Variants in MTAP observed in about 807,000 individuals in gnomAD.
MTAP encodes S-methyl-5'-thioadenosine phosphorylase.
Under a neutral mutation model 33.6 loss-of-function variants are expected in MTAP, and 33 were observed. That is an observed-to-expected ratio of 0.98 (90% CI 0.74 to 1.31). MTAP has a LOEUF of 1.31. Among genes scored for constraint, MTAP ranks in the 40% most tolerant of loss-of-function variants. MTAP has a pLI of 0.00. For missense variants in MTAP, 367 were observed against 360.0 expected, an observed-to-expected ratio of 1.02 and a Z score of -0.16; for synonymous variants, 148 against 125.7, an observed-to-expected ratio of 1.18 and a Z score of -1.19.
intron 4 of MTAP, among the ~76,000 whole-genome samples, chr9:21,831,495 ATT>A (rs5896954): frequency 6.0e-5 from 9 of 149,024 alleles, no homozygotes; most frequent in African/African-American, 1.7e-4. Flanking sequence ...GTGCTTGGTA[ATT>A]TTTTTTTTTT....
downstream of MTAP, among the ~76,000 whole-genome samples, chr9:21,867,413 C>A (rs536621971): frequency 1.3e-4 from 20 of 152,164 alleles, no homozygotes; most frequent in East Asian, 3.3e-3. Flanking sequence ...AGTACTTTTT[C>A]CTGCATCTGT....
intron 6 of MTAP, chr9:21,856,107 A>G: frequency 7.2e-6 from 7 of 969,140 alleles, no homozygotes; most frequent in Non-Finnish European, 8.6e-6. Flanking sequence ...TGTTACTTGA[A>G]TAAACTAGAT....
rs1342222666 is a variant in MTAP at position 21,866,764 on chromosome 9, A to G, written c.*4750A>G. On this transcript the variant is annotated 3_prime_UTR_variant, in exon 8 of 8. Transcript: ENST00000644715. ...GCTTCTCCATTTTTCTTTAAGAAAA[A>G]ATCTGCTGGAATGGCACTGAATTTT... is the stretch of plus-strand genomic sequence containing the variant. 6.6e-6 allele frequency: 1 copy of G among 152,152 alleles called. No individual in the cohort carries two copies. The highest frequency in any genetic ancestry group is 1.5e-5 in the Non-Finnish European group (1 of 68,010). 9.4% of individuals were successfully genotyped at this position (152,152 alleles called of 1,614,324 possible).
At chr9:21,845,334 G>A (rs1825352928) in intron 5 of MTAP, among the ~76,000 whole-genome samples, 1 of 152,062 alleles carries the variant, frequency 6.6e-6, no homozygotes, top group Non-Finnish European at 1.5e-5. Context: ...AAAGTTTCAA[G>A]ATGCAAAATC....
At chr9:21,844,326 C>G (rs1211890435) in intron 5 of MTAP, among the ~76,000 whole-genome samples, 1 of 152,166 alleles carries the variant, frequency 6.6e-6, no homozygotes, top group Non-Finnish European at 1.5e-5. Flanking sequence ...ACCAATCTTA[C>G]TGAAACTATT....
rs35709813 is a variant in MTAP at position 21,818,317 on chromosome 9, CTTTTTTTTTTTTTTT to C, written c.347+128_347+142del. ...GAGGGCAGTGCCACAGACTCGCTTG[CTTTTTTTTTTTTTTT>C]TTTTTTTTTTTTGGAGACGGAGCCT... On this transcript the variant is annotated intron_variant, in intron 4 of 7. Transcript: ENST00000644715. 83 of 240,916 alleles carry C rather than the reference CTTTTTTTTTTTTTTT, an allele frequency of 3.4e-4. 1 individual carries two copies. Among genetic ancestry groups the C allele is most frequent in the South Asian group, 1.6e-3 (52 of 31,642 alleles). 14.9% of individuals were successfully genotyped at this position (240,916 alleles called of 1,614,324 possible). A position where few individuals can be genotyped will look rare whatever the true frequency, so the allele number is the denominator to read the frequency against.
chr9:21,823,459 G>T (rs1476035448), intron 4 of MTAP, among the ~76,000 whole-genome samples: 2 of 152,194 alleles, frequency 1.3e-5, no homozygotes, highest in African/African-American at 4.8e-5. Context: ...CTTCTGGCTT[G>T]TAGAGTTTCT....
chr9:21,907,272 C>T (rs1027937026), intron 1 of MTAP, among the ~76,000 whole-genome samples: 6 of 152,186 alleles, frequency 3.9e-5, no homozygotes, highest in Admixed American at 6.5e-5. Context: ...TAAGGCTAGG[C>T]GCGATGGCTT....
chr9:21,822,273 A>G (rs1824662480), intron 4 of MTAP, among the ~76,000 whole-genome samples: 2 of 152,332 alleles, frequency 1.3e-5, no homozygotes, highest in Non-Finnish European at 1.5e-5. Context: ...ATTTAGTGCT[A>G]TAAATTTCCC....
intron 4 of MTAP, among the ~76,000 whole-genome samples, chr9:21,826,792 C>T (rs1240810408): frequency 6.6e-6 from 1 of 152,020 alleles, no homozygotes; most frequent in African/African-American, 2.4e-5. Context: ...CAGGGATCCC[C>T]CACCCCTGTG....
At chr9:21,902,418 T>C (rs1818407484) in intron 1 of MTAP, among the ~76,000 whole-genome samples, 1 of 152,208 alleles carries the variant, frequency 6.6e-6, no homozygotes, top group Non-Finnish European at 1.5e-5. Context: ...TAATGGATCA[T>C]CCACACTTAG....
At chr9:21,832,743 A>G (rs7874112) in intron 4 of MTAP, among the ~76,000 whole-genome samples, 35,059 of 152,052 alleles carry the variant, frequency 0.23, 5,850 homozygotes, top group African/African-American at 0.47. Flanking sequence ...CTACACTACC[A>G]GTTTTTGAGT....
intron 5 of MTAP, among the ~76,000 whole-genome samples, chr9:21,838,444 T>C (rs1218891874): frequency 6.6e-6 from 1 of 152,246 alleles, no homozygotes; most frequent in Non-Finnish European, 1.5e-5. Flanking sequence ...ATGTACCTTA[T>C]AAGACTGTGT....
At chr9:21,927,668 T>C (rs1158636355) in intron 1 of MTAP, among the ~76,000 whole-genome samples, 1 of 152,236 alleles carries the variant, frequency 6.6e-6, no homozygotes, top group Non-Finnish European at 1.5e-5. Context: ...GGGTATGCTA[T>C]ATGTCCCTTC....
intron 1 of MTAP, among the ~76,000 whole-genome samples, chr9:21,885,108 A>G (rs1398637429): frequency 1.3e-5 from 2 of 152,152 alleles, no homozygotes; most frequent in African/African-American, 4.8e-5. Context: ...CATACTTTAT[A>G]TATAAATTTT....
chr9:21,845,911 G>A (rs1309986621), intron 5 of MTAP, among the ~76,000 whole-genome samples: 1 of 152,174 alleles, frequency 6.6e-6, no homozygotes, highest in Non-Finnish European at 1.5e-5. Flanking sequence ...TGGTATAAAA[G>A]TAGGCATGCA....
chr9:21,916,122 G>GGAAGGAAGGAAGGAA (rs1296578788), intron 1 of MTAP, among the ~76,000 whole-genome samples: 3,230 of 122,344 alleles, frequency 0.026, 117 homozygotes, highest in East Asian at 0.091. Context: ...GAAGGAAGGA[G>GGAAGGAAGGAAGGAA]GGAGGGAAGG....
At chr9:21,897,286 C>A (rs1284630052) in intron 1 of MTAP, among the ~76,000 whole-genome samples, 1 of 152,142 alleles carries the variant, frequency 6.6e-6, no homozygotes, top group Non-Finnish European at 1.5e-5. Context: ...ACTGAATGGG[C>A]AAAAACTGGA....
chr9:21,839,939 C>T (rs1825201851), intron 5 of MTAP, among the ~76,000 whole-genome samples: 1 of 152,152 alleles, frequency 6.6e-6, no homozygotes, highest in Non-Finnish European at 1.5e-5. Context: ...AGATAAGAGA[C>T]AGGGCTGGCC....
Sources: gnomAD v4.1 joint callset for allele counts (sites outside exome capture counted in the v4.1 genomes callset) on GRCh38, gnomAD v4.1.1 for gene constraint, MANE v1.5 for transcripts, NCBI Gene and HGNC (gene_info 2026-07-23, HGNC 2026-07-21) for gene names.